CSMD3: variants seen among roughly 807,000 people sequenced by gnomAD.
The protein encoded by CSMD3 is CUB and sushi domain-containing protein 3.
Under a neutral mutation model 435.2 loss-of-function variants are expected in CSMD3, and 177 were observed. That is an observed-to-expected ratio of 0.41 (90% CI 0.36 to 0.46). The LOEUF (loss-of-function observed/expected upper bound fraction) is 0.46. CSMD3 is among the 20% of genes least tolerant of loss of function. The probability of loss-of-function intolerance (pLI) is 0.34; values close to 1 mark genes in which losing one functional copy is unlikely to be tolerated. For missense variants in CSMD3, 4,265 were observed against 4,504.6 expected (o/e 0.95, Z 1.52); for synonymous variants, 1,656 against 1,520.5 (o/e 1.09, Z -2.07).
intron 4 of CSMD3, among the ~76,000 whole-genome samples, chr8:113,101,455 A>G (rs546360135): frequency 1.3e-5 from 2 of 152,162 alleles, no homozygotes; most frequent in East Asian, 3.9e-4. Flanking sequence ...TACTTTATCC[A>G]TCATTTTAAT....
intron 53 of CSMD3, among the ~76,000 whole-genome samples, chr8:112,301,046 T>A: frequency 6.6e-6 from 1 of 152,000 alleles, no homozygotes; most frequent in East Asian, 1.9e-4. Context: ...ATTAGAAAAA[T>A]TTTCATTATT....
In CSMD3 at chr8:112,758,445, C is replaced by A. The variant is rs142979271; in HGVS notation, c.1972+41717G>T. Among the ~76,000 whole-genome samples the A allele has an allele frequency of 5.2e-3, 788 of 152,178 alleles. 8 individuals carry two copies. The highest frequency in any genetic ancestry group is 0.017 in the African/African-American group (707 of 41,536). On this transcript the variant is annotated intron_variant, in intron 13 of 70. Coordinates refer to ENST00000297405, the MANE Select transcript of CSMD3 (RefSeq NM_198123.2). ...TCTTAGCATATATCTAATTTTACTT[C>A]ATTATATTTCTAATATAAATTAAGT...
intron 17 of CSMD3, among the ~76,000 whole-genome samples, chr8:112,660,580 C>T (rs977249837): frequency 5.3e-5 from 8 of 151,996 alleles, no homozygotes; most frequent in Admixed American, 4.6e-4. Context: ...TTTTTCTTAG[C>T]TCCAATTCAA....
At chr8:112,741,788 A>C (rs2077312687) in intron 13 of CSMD3, among the ~76,000 whole-genome samples, 1 of 109,122 alleles carries the variant, frequency 9.2e-6, no homozygotes, top group Admixed American at 9.2e-5. Context: ...ATAGATAGAT[A>C]GAGAGAAGAT....
At chr8:113,224,427 C>T (rs79814476) in intron 3 of CSMD3, among the ~76,000 whole-genome samples, 1 of 151,142 alleles carries the variant, frequency 6.6e-6, no homozygotes, top group East Asian at 1.9e-4. Context: ...ATTACTATCC[C>T]TAACAAACAT....
intron 1 of CSMD3, among the ~76,000 whole-genome samples, chr8:113,429,368 A>G (rs994512689): frequency 3.3e-5 from 5 of 151,948 alleles, no homozygotes; most frequent in African/African-American, 4.8e-5. Context: ...TAGATTTAAA[A>G]GCTTTTAAGT....
chr8:113,159,496 G>A (rs2091997353), intron 4 of CSMD3, among the ~76,000 whole-genome samples: 1 of 151,890 alleles, frequency 6.6e-6, no homozygotes, highest in South Asian at 2.1e-4. Flanking sequence ...TGTGACTACA[G>A]TAAGTAAATC....
chr8:112,993,644 AT>A (rs1394860693), intron 6 of CSMD3, among the ~76,000 whole-genome samples: 1 of 151,868 alleles, frequency 6.6e-6, no homozygotes, highest in Non-Finnish European at 1.5e-5. Context: ...CAATAAACCC[AT>A]AAATTAACAA....
chr8:113,003,489 A>G (rs1254834237), intron 6 of CSMD3, among the ~76,000 whole-genome samples: 1 of 152,016 alleles, frequency 6.6e-6, no homozygotes, highest in Non-Finnish European at 1.5e-5. Flanking sequence ...TAAAATAAGG[A>G]TAATGTCTAT....
chr8:112,886,532 C>T (rs767363767), intron 10 of CSMD3, among the ~76,000 whole-genome samples: 3 of 151,360 alleles, frequency 2.0e-5, no homozygotes, highest in Middle Eastern at 3.4e-3. Flanking sequence ...ATTAGCTGTG[C>T]TATCCCTACA....
chr8:112,625,561 C>A (rs1221424059), intron 22 of CSMD3, among the ~76,000 whole-genome samples: 1 of 151,972 alleles, frequency 6.6e-6, no homozygotes, highest in Admixed American at 6.6e-5. Context: ...TAGTAAAATG[C>A]ATGAAATAAA....
intron 5 of CSMD3, among the ~76,000 whole-genome samples, chr8:113,073,562 T>C (rs1424497278): frequency 1.3e-5 from 2 of 151,834 alleles, no homozygotes; most frequent in Non-Finnish European, 3.0e-5. Flanking sequence ...AACTTGAAGC[T>C]CATCCAGCTT....
At chr8:112,957,062 C>A (rs561527500) in intron 7 of CSMD3, among the ~76,000 whole-genome samples, 5 of 151,672 alleles carry the variant, frequency 3.3e-5, no homozygotes, top group Admixed American at 2.6e-4. Context: ...TAATGTATAT[C>A]TCCTAATAAA....
chr8:112,274,527 C>G (rs1586618717), intron 59 of CSMD3, among the ~76,000 whole-genome samples: 1 of 152,130 alleles, frequency 6.6e-6, no homozygotes, highest in East Asian at 1.9e-4. Flanking sequence ...ACTCCTTAAA[C>G]AGTCAGCAGA....
chr8:113,003,802 C>A (rs1019200330), intron 6 of CSMD3, among the ~76,000 whole-genome samples: 1 of 151,980 alleles, frequency 6.6e-6, no homozygotes, highest in African/African-American at 2.4e-5. Context: ...CTATCTTCAA[C>A]TTAAATCGCA....
intron 3 of CSMD3, among the ~76,000 whole-genome samples, chr8:113,175,576 T>A (rs978194243): frequency 1.3e-5 from 2 of 152,012 alleles, no homozygotes; most frequent in South Asian, 2.1e-4. Flanking sequence ...AACTTTATTG[T>A]CTGTGAATTT....
chr8:112,241,592 T>C, intron 66 of CSMD3, 128 bp downstream of exon 66: 1 of 682,760 alleles, frequency 1.5e-6, no homozygotes, highest in Non-Finnish European at 2.6e-6. Context: ...TTGTGAATTA[T>C]CAAATTCAAG....
intron 4 of CSMD3, among the ~76,000 whole-genome samples, chr8:113,168,197 A>G (rs780995286): frequency 2.0e-5 from 3 of 152,118 alleles, no homozygotes; most frequent in Non-Finnish European, 2.9e-5. Flanking sequence ...AGGAGATGAC[A>G]GTTTACAATG....
intron 13 of CSMD3, among the ~76,000 whole-genome samples, chr8:112,759,678 T>C (rs2077789634): frequency 6.6e-6 from 1 of 152,176 alleles, no homozygotes; most frequent in Non-Finnish European, 1.5e-5. Flanking sequence ...TACCATATGC[T>C]ATTCAATTTG....
Sources: allele counts gnomAD v4.1 joint callset (sites outside exome capture counted in the v4.1 genomes callset), GRCh38; gene constraint gnomAD v4.1.1; transcripts MANE v1.5; gene names NCBI Gene and HGNC (gene_info 2026-07-23, HGNC 2026-07-21).